OPCML: variants seen among roughly 807,000 people sequenced by gnomAD.
OPCML encodes opioid binding protein/cell adhesion molecule like, also known as opioid-binding protein/cell adhesion molecule.
A neutral mutation model predicts 37.8 loss-of-function variants in OPCML; 13 were observed. That is an observed-to-expected ratio of 0.34 (90% CI 0.22 to 0.55). The LOEUF (loss-of-function observed/expected upper bound fraction) is 0.55, where lower values mean the gene tolerates loss of function less well. OPCML is among the 20% of genes least tolerant of loss of function. The pLI is 0.91. For missense variants in OPCML, 341 were observed against 435.6 expected, an observed-to-expected ratio of 0.78 and a Z score of 1.93; for synonymous variants, 176 against 168.8, an observed-to-expected ratio of 1.04 and a Z score of -0.33.
chr11:133,170,024 G>A (rs1032508228), intron 1 of OPCML, among the ~76,000 whole-genome samples: 21 of 152,168 alleles, frequency 1.4e-4, no homozygotes, highest in African/African-American at 5.1e-4. Flanking sequence ...TGAGAAGCAC[G>A]TTTTTGAAAA....
intron 1 of OPCML, chr11:133,117,701 T>G (rs1949357945): frequency 1.2e-6 from 1 of 809,306 alleles, no homozygotes; most frequent in South Asian, 5.6e-5. Flanking sequence ...GTAATCACTC[T>G]CAAAATAAAA....
intron 2 of OPCML, among the ~76,000 whole-genome samples, chr11:132,796,565 C>CTTTTTTTTTTTT (rs71067396): frequency 2.3e-5 from 2 of 88,584 alleles, no homozygotes; most frequent in African/African-American, 4.5e-5. Context: ...TTTCTTCTTT[C>CTTTTTTTTTTTT]TTTTTTTTTT....
intron 2 of OPCML, among the ~76,000 whole-genome samples, chr11:132,836,210 G>C (rs746608302): frequency 2.0e-5 from 3 of 152,140 alleles, no homozygotes; most frequent in Admixed American, 1.3e-4. Flanking sequence ...CTAATCCACA[G>C]ATAAACATTA....
intron 3 of OPCML, among the ~76,000 whole-genome samples, chr11:132,541,408 A>G (rs745862010): frequency 1.3e-5 from 2 of 152,176 alleles, no homozygotes; most frequent in Non-Finnish European, 2.9e-5. Context: ...TAAGTAACTT[A>G]TAGGGTCATT....
chr11:133,291,714 G>A (rs1428402306), intron 1 of OPCML, among the ~76,000 whole-genome samples: 3 of 152,234 alleles, frequency 2.0e-5, no homozygotes, highest in Non-Finnish European at 2.9e-5. Flanking sequence ...TTGAGCCCCA[G>A]CCCTTCCAGC....
chr11:133,228,685 C>T (rs918569708), intron 1 of OPCML, among the ~76,000 whole-genome samples: 1 of 152,248 alleles, frequency 6.6e-6, no homozygotes, highest in African/African-American at 2.4e-5. Flanking sequence ...AGCTTGGGGC[C>T]TCCCACGAAT....
intron 2 of OPCML, among the ~76,000 whole-genome samples, chr11:132,894,755 G>A (rs561362000): frequency 2.6e-5 from 4 of 152,236 alleles, no homozygotes; most frequent in East Asian, 3.9e-4. Context: ...CTCTTATCCT[G>A]CCCTTGGTCA....
At chr11:133,296,635 G>A (rs1015718961) in intron 1 of OPCML, among the ~76,000 whole-genome samples, 8 of 152,158 alleles carry the variant, frequency 5.3e-5, no homozygotes, top group Admixed American at 1.3e-4. Flanking sequence ...CAACTCCTGC[G>A]TAGAAGCGTG....
chr11:132,690,967 G>A (rs1943379343), intron 2 of OPCML, among the ~76,000 whole-genome samples: 1 of 152,144 alleles, frequency 6.6e-6, no homozygotes, highest in Non-Finnish European at 1.5e-5. Context: ...AACCTTTCAG[G>A]TTGACTCATT....
intron 1 of OPCML, among the ~76,000 whole-genome samples, chr11:133,254,556 A>G (rs2136441523): frequency 6.6e-6 from 1 of 152,286 alleles, no homozygotes; most frequent in South Asian, 2.1e-4. Flanking sequence ...CATTATGATG[A>G]CTCAGGCCAA....
chr11:132,435,366 G>T, intron 7 of OPCML: 2 of 400,452 alleles, frequency 5.0e-6, no homozygotes, highest in Non-Finnish European at 6.8e-6. Flanking sequence ...CCTACTCATC[G>T]GATGCTTCCC....
In OPCML at chr11:132,534,490, G is replaced by A. The variant is rs967599993; in HGVS notation, c.380-5304C>T. Among the ~76,000 whole-genome samples, 4 of 152,166 alleles carry A rather than the reference G, an allele frequency of 2.6e-5. No homozygotes were observed. The South Asian group carries it at 6.2e-4, about 24-fold the overall frequency. On this transcript the variant is annotated intron_variant, in intron 3 of 7. Coordinates refer to ENST00000524381, the MANE Select transcript of OPCML (RefSeq NM_001012393.5). ...TTTACTCAAACGATTGTGTACTTGT[G>A]AGAGAGAAGACTTGAGCTGGAAAAG...
At chr11:132,822,994 TATTC>T (rs1591656900) in intron 2 of OPCML, among the ~76,000 whole-genome samples, 1 of 152,364 alleles carries the variant, frequency 6.6e-6, no homozygotes, top group East Asian at 1.9e-4. Flanking sequence ...ACTTTATGAA[TATTC>T]ATTGTTATTA....
intron 2 of OPCML, among the ~76,000 whole-genome samples, chr11:132,788,724 A>T (rs770623956): frequency 1.3e-4 from 20 of 152,214 alleles, no homozygotes; most frequent in Non-Finnish European, 2.4e-4. Context: ...AGTTCTTTGA[A>T]ATGAAGAAAT....
chr11:133,188,226 G>A (rs1465215431), intron 1 of OPCML, among the ~76,000 whole-genome samples: 2 of 152,214 alleles, frequency 1.3e-5, no homozygotes, highest in Non-Finnish European at 2.9e-5. Context: ...GAGTTCCTGA[G>A]TGCTGTCAAA....
chr11:132,458,456 G>A (rs1412988274), intron 4 of OPCML, among the ~76,000 whole-genome samples: 1 of 152,134 alleles, frequency 6.6e-6, no homozygotes, highest in East Asian at 1.9e-4. Context: ...TGATTGCTGT[G>A]AGGTTTTGAT....
At chr11:133,003,140 G>A (rs1947040577) in intron 1 of OPCML, among the ~76,000 whole-genome samples, 1 of 152,184 alleles carries the variant, frequency 6.6e-6, no homozygotes, top group Admixed American at 6.5e-5. Context: ...TTGAGAAAAT[G>A]TCATCAATGG....
chr11:133,419,790 G>A (rs1453626417), intron 1 of OPCML, among the ~76,000 whole-genome samples: 2 of 152,270 alleles, frequency 1.3e-5, no homozygotes, highest in East Asian at 3.9e-4. Flanking sequence ...TATCATGTCT[G>A]TAACCATTAC....
At chr11:133,471,780 AC>A (rs1287289228) in intron 1 of OPCML, among the ~76,000 whole-genome samples, 2 of 152,236 alleles carry the variant, frequency 1.3e-5, no homozygotes, top group Non-Finnish European at 2.9e-5. Flanking sequence ...TATTTTCAAA[AC>A]ATGGATATGC....
Sources: gnomAD v4.1 joint callset for allele counts (sites outside exome capture counted in the v4.1 genomes callset) on GRCh38, gnomAD v4.1.1 for gene constraint, MANE v1.5 for transcripts, NCBI Gene and HGNC (gene_info 2026-07-23, HGNC 2026-07-21) for gene names.